Variants in F11R observed in about 807,000 individuals in gnomAD.
The protein encoded by F11R is junctional adhesion molecule A.
A neutral mutation model predicts 39.3 loss-of-function variants in F11R; 27 were observed. The observed-to-expected ratio is 0.69, with a 90% CI of 0.51 to 0.95. The LOEUF (loss-of-function observed/expected upper bound fraction) is 0.95. Among genes scored for constraint, F11R ranks in the 40% least tolerant of loss-of-function variants. F11R has a pLI of 0.00. For missense variants in F11R, 335 were observed against 372.7 expected (o/e 0.90, Z 0.83); for synonymous variants, 131 against 144.9 (o/e 0.90, Z 0.69).
intron 3 of F11R, 72 bp from the exon 4 acceptor site, chr1:161,000,849 C>CA: frequency 6.3e-7 from 1 of 1,584,768 alleles, no homozygotes; most frequent in Non-Finnish European, 8.6e-7. Context: ...AAGGGGGCAT[C>CA]CAAGGTACGC....
chr1:161,016,544 C>G (rs1294554331), intron 1 of F11R, among the ~76,000 whole-genome samples: 1 of 152,146 alleles, frequency 6.6e-6, no homozygotes, highest in South Asian at 2.1e-4. Context: ...GTAGTCCCAG[C>G]TGCTGGGGAG....
intron 1 of F11R, among the ~76,000 whole-genome samples, chr1:161,017,120 A>C (rs2483151): frequency 0.93 from 141,927 of 152,100 alleles, 66,351 homozygotes; most frequent in African/African-American, 0.98. Flanking sequence ...CCCAGGGACA[A>C]AAACACTGCG....
intron 1 of F11R, among the ~76,000 whole-genome samples, chr1:161,012,606 T>TTATTTATC (rs1334293418): frequency 2.1e-5 from 3 of 142,760 alleles, no homozygotes; most frequent in African/African-American, 7.5e-5. Flanking sequence ...TTAATTTTAT[T>TTATTTATC]TATTTATTTA....
At chr1:161,010,743 C>T (rs951155790) in intron 1 of F11R, among the ~76,000 whole-genome samples, 4 of 151,738 alleles carry the variant, frequency 2.6e-5, no homozygotes, top group Non-Finnish European at 4.4e-5. Flanking sequence ...CCCAGCACTT[C>T]GGGAGGCTGA....
At chr1:161,017,480 G>A (rs536495385) in intron 1 of F11R, among the ~76,000 whole-genome samples, 3 of 152,322 alleles carry the variant, frequency 2.0e-5, no homozygotes, top group Admixed American at 1.3e-4. Context: ...AGATGTTTAT[G>A]TGTATGCATA....
At chr1:161,016,807 G>A (rs1171130186) in intron 1 of F11R, among the ~76,000 whole-genome samples, 2 of 152,162 alleles carry the variant, frequency 1.3e-5, no homozygotes, top group Non-Finnish European at 2.9e-5. Context: ...GGGAGTAGAG[G>A]GAGAGGAAAG....
rs1027910973 is a variant in F11R at position 161,019,503 on chromosome 1, G to A, written c.64+1507C>T. On this transcript the variant is annotated intron_variant, in intron 1 of 9. Coordinates refer to ENST00000368026, the MANE Select transcript of F11R (RefSeq NM_016946.6). ...CCAGCTACTCGGGAGGCTGAGGCAG[G>A]AGAATCGCTTAAACCCGGAAGGCGG... Among the ~76,000 whole-genome samples, 3 of 151,246 alleles carry A rather than the reference G, an allele frequency of 2.0e-5. No individual in the cohort carries two copies. The South Asian group carries it at 6.2e-4, about 31-fold the overall frequency.
intron 1 of F11R, among the ~76,000 whole-genome samples, chr1:161,012,167 G>A (rs1391521220): frequency 1.3e-5 from 2 of 152,158 alleles, no homozygotes; most frequent in Non-Finnish European, 2.9e-5. Context: ...AGAAGGCAGA[G>A]GCCTCCAGAC....
intron 1 of F11R, 52 bp from the exon 2 acceptor site, chr1:161,001,405 AG>A: frequency 6.6e-7 from 1 of 1,512,790 alleles, no homozygotes; most frequent in Non-Finnish European, 9.2e-7. Context: ...GAGAAATGCC[AG>A]GAAGAAGGAG....
chr1:161,020,047 A>T (rs902267750), intron 1 of F11R, among the ~76,000 whole-genome samples: 20 of 152,158 alleles, frequency 1.3e-4, no homozygotes, highest in Non-Finnish European at 4.4e-5. Flanking sequence ...ATACTGACAC[A>T]ACTACTCACA....
chr1:161,013,614 G>A (rs1649288276), intron 1 of F11R, among the ~76,000 whole-genome samples: 1 of 152,214 alleles, frequency 6.6e-6, no homozygotes, highest in African/African-American at 2.4e-5. Context: ...GGGTAGAACA[G>A]TTTAGAAATG....
At chr1:161,017,851 C>CT (rs1443014147) in intron 1 of F11R, among the ~76,000 whole-genome samples, 4 of 152,176 alleles carry the variant, frequency 2.6e-5, no homozygotes, top group Non-Finnish European at 5.9e-5. Context: ...AAGGGCAAAG[C>CT]TAGAAGGGCT....
chr1:161,001,166 C>G (rs369115509), intron 2 of F11R, 39 bp from the exon 3 acceptor site: 9 of 1,604,220 alleles, frequency 5.6e-6, no homozygotes, highest in Non-Finnish European at 6.8e-6. Context: ...GAAGAAGCAG[C>G]AGCAAATACA....
rs200076351 is a variant in F11R at position 161,001,071 on chromosome 1, A to T, written c.190T>A (p.Phe64Ile). Reference sequence around the variant, plus strand: ...AGTCTGGTGGTGTCTCCTTGGTCAAACTTCCACTCCACACGGGGAGAAGAA... The same window carrying T: ...AGTCTGGTGGTGTCTCCTTGGTCAATCTTCCACTCCACACGGGGAGAAGAA... ...GFSSPRVEWKFDQGDTTRLVC... is the reference protein window; with the variant it reads ...GFSSPRVEWKIDQGDTTRLVC... The change falls in exon 3 of 10, where the codon TTT becomes ATT. Residue 64 changes from phenylalanine to isoleucine, a missense_variant. Coordinates refer to ENST00000368026, the MANE Select transcript of F11R (RefSeq NM_016946.6). 2.0e-5 allele frequency: 33 copies of T among 1,613,988 alleles called. 1 individual carries two copies. In the Admixed American group the frequency reaches 4.5e-4, roughly 22 times the overall value.
intron 1 of F11R, among the ~76,000 whole-genome samples, chr1:161,012,805 G>T (rs1390079261): frequency 6.6e-6 from 1 of 151,596 alleles, no homozygotes; most frequent in African/African-American, 2.4e-5. Context: ...TTGTATTTTT[G>T]GTAGAAACAG....
chr1:160,999,462 C>T lies in F11R; in HGVS notation c.803-54G>A. ...GTCAGCAGGACAGAAGACAGCATGG[C>T]TTGGGAAGATGGAGGGGCAGGCCCC... On this transcript the variant is annotated intron_variant, in intron 7 of 9. Coordinates refer to ENST00000368026, the MANE Select transcript of F11R (RefSeq NM_016946.6). The T allele has an allele frequency of 3.1e-6, 5 of 1,613,660 alleles. No individual in the cohort carries two copies. The Admixed American group carries it at 5.0e-5, about 16-fold the overall frequency.
intron 2 of F11R, 75 bp downstream of exon 2, chr1:161,001,210 G>T (rs1440729102): frequency 4.4e-6 from 7 of 1,593,740 alleles, no homozygotes; most frequent in Non-Finnish European, 6.0e-6. Flanking sequence ...TGCAGGCTGG[G>T]CTGGGTGCTC....
rs567070591 is a variant in F11R at position 161,011,694 on chromosome 1, C to T, written c.64+9316G>A. On this transcript the variant is annotated intron_variant, in intron 1 of 9. Transcript: ENST00000368026. ...GCAGTGAGCTGAGATTGTGCCACTGCACTCCAACCTGGGTGACAGAGCGAG... is the reference window on the plus strand; with the variant it reads ...GCAGTGAGCTGAGATTGTGCCACTGTACTCCAACCTGGGTGACAGAGCGAG... Among the ~76,000 whole-genome samples, 4 of 150,224 alleles carry T rather than the reference C, an allele frequency of 2.7e-5. No individual in the cohort carries two copies. The East Asian group carries it at 7.8e-4, about 29-fold the overall frequency.
rs948124165 is a variant in F11R at position 160,997,398 on chromosome 1, G to GT, written c.*1472dup. ...ACCTGGCTGAACAGGAGGTACAAGA[G>GT]TAAGTACCTTCTCTCACTTGGTGGA... On this transcript the variant is annotated 3_prime_UTR_variant, in exon 10 of 10. Transcript: ENST00000368026. 20 of 152,494 alleles carry GT rather than the reference G, an allele frequency of 1.3e-4. No individual in the cohort carries two copies. Among genetic ancestry groups the GT allele is most frequent in the African/African-American group, 4.8e-4 (20 of 41,574 alleles). 9.4% of individuals were successfully genotyped at this position (152,494 alleles called of 1,614,324 possible).
Sources: allele counts gnomAD v4.1 joint callset (sites outside exome capture counted in the v4.1 genomes callset), GRCh38; gene constraint gnomAD v4.1.1; transcripts MANE v1.5; gene names NCBI Gene and HGNC (gene_info 2026-07-23, HGNC 2026-07-21).